The following NDRG1 variants were observed in gnomAD, a reference collection of about 807,000 sequenced individuals.
The protein encoded by NDRG1 is protein NDRG1.
Under a neutral mutation model 56.9 loss-of-function variants are expected in NDRG1, and 32 were observed. The observed-to-expected ratio is 0.56, with a 90% CI of 0.42 to 0.76. NDRG1 has a LOEUF of 0.76. Among genes scored for constraint, NDRG1 ranks in the 30% least tolerant of loss-of-function variants. The pLI, the probability that NDRG1 is intolerant of heterozygous loss-of-function variation, is 0.00. For missense variants in NDRG1, 507 were observed against 545.7 expected (o/e 0.93, Z 0.71); for synonymous variants, 211 against 204.1 (o/e 1.03, Z -0.29).
intron 7 of NDRG1, 41 bp from the exon 8 acceptor site, chr8:133,256,904 T>C: frequency 6.3e-7 from 1 of 1,577,694 alleles, no homozygotes; most frequent in Non-Finnish European, 8.7e-7. Context: ...ATCCCAGCAA[T>C]CTGAAACACT....
chr8:133,239,316 G>T, intron 15 of NDRG1, 197 bp from the exon 16 acceptor site: 1 of 844,480 alleles, frequency 1.2e-6, no homozygotes, highest in Non-Finnish European at 1.8e-6. Flanking sequence ...GATGCGGGAA[G>T]GAACTGCCGC....
chr8:133,272,203 G>A (rs1485213730), intron 3 of NDRG1, among the ~76,000 whole-genome samples: 2 of 152,216 alleles, frequency 1.3e-5, no homozygotes, highest in Non-Finnish European at 2.9e-5. Flanking sequence ...GGCAGAAGGT[G>A]TCAGCCTGGG....
At chr8:133,265,836 C>T (rs1010646008) in intron 3 of NDRG1, among the ~76,000 whole-genome samples, 1 of 152,254 alleles carries the variant, frequency 6.6e-6, no homozygotes, top group African/African-American at 2.4e-5. Flanking sequence ...ACTCACCCTT[C>T]ACCCCATGCC....
chr8:133,278,552 G>A (rs1231100374), intron 3 of NDRG1, among the ~76,000 whole-genome samples: 1 of 152,174 alleles, frequency 6.6e-6, no homozygotes, highest in Non-Finnish European at 1.5e-5. Context: ...CATGAGTGGT[G>A]CGGGAAGAAC....
intron 3 of NDRG1, among the ~76,000 whole-genome samples, chr8:133,270,897 C>A (rs960097433): frequency 3.9e-5 from 6 of 152,238 alleles, no homozygotes; most frequent in Non-Finnish European, 5.9e-5. Flanking sequence ...AGGTCAATGA[C>A]AAGGCCTCCT....
chr8:133,274,903 G>T (rs916649244), intron 3 of NDRG1, among the ~76,000 whole-genome samples: 1 of 152,192 alleles, frequency 6.6e-6, no homozygotes, highest in African/African-American at 2.4e-5. Flanking sequence ...GGTCCCCAAA[G>T]ATTCAGCAAG....
rs1468392487 is a variant in NDRG1 at position 133,297,126 on chromosome 8, G to A, written c.-19+8C>T. On this transcript the variant is annotated splice_region_variant and intron_variant, in intron 1 of 15. Coordinates refer to ENST00000323851, the MANE Select transcript of NDRG1 (RefSeq NM_006096.4). ...CGTCGCGCCTGGGAGAAGAGGGCGCGGGCTTACCTAACGCGAGGGAGAAAG... is the reference window on the plus strand; with the variant it reads ...CGTCGCGCCTGGGAGAAGAGGGCGCAGGCTTACCTAACGCGAGGGAGAAAG... 6.6e-6 allele frequency: 1 copy of A among 152,448 alleles called. No individual in the cohort carries two copies. Among genetic ancestry groups the A allele is most frequent in the African/African-American group, 2.4e-5 (1 of 41,456 alleles). The allele number at this position is 152,448 out of a possible 1,614,324, so 9.4% of individuals were successfully genotyped here.
chr8:133,254,433 G>C (rs888738122), intron 9 of NDRG1, 106 bp downstream of exon 9: 1 of 1,180,844 alleles, frequency 8.5e-7, no homozygotes, highest in Non-Finnish European at 1.2e-6. Context: ...GTGGCCCCCA[G>C]TTGATTGTGT....
chr8:133,247,622 G>A lies in NDRG1; in HGVS notation c.807+253C>T, dbSNP rs35007862. The stretch of plus-strand genomic sequence containing the variant: ...GTGGCAAACATGCCCATATAAACAA[G>A]CCGATGGGACACAGACTGGCGGGTG... On this transcript the variant is annotated intron_variant, in intron 12 of 15. Coordinates refer to ENST00000323851, the MANE Select transcript of NDRG1 (RefSeq NM_006096.4). 0.099 allele frequency among the ~76,000 whole-genome samples: 15,027 copies of A among 152,314 alleles called. 1,035 individuals are homozygous for A. The highest frequency in any genetic ancestry group is 0.15 in the Non-Finnish European group (9,999 of 68,014).
chr8:133,290,453 C>A (rs1046854667), intron 1 of NDRG1, among the ~76,000 whole-genome samples: 1 of 152,190 alleles, frequency 6.6e-6, no homozygotes, highest in Non-Finnish European at 1.5e-5. Context: ...GACGGGGAAA[C>A]TGAGGCATCA....
intron 1 of NDRG1, chr8:133,284,748 G>A (rs1439046877): frequency 6.5e-6 from 3 of 459,792 alleles, no homozygotes; most frequent in Non-Finnish European, 1.3e-5. Flanking sequence ...AAGCTCACAC[G>A]ATGCTTACCA....
intron 12 of NDRG1, among the ~76,000 whole-genome samples, chr8:133,246,987 T>A (rs1855721992): frequency 6.6e-6 from 1 of 152,216 alleles, no homozygotes; most frequent in Non-Finnish European, 1.5e-5. Flanking sequence ...ACCTGCTAAA[T>A]AAATATCCTT....
intron 9 of NDRG1, among the ~76,000 whole-genome samples, 178 bp downstream of exon 9, chr8:133,254,361 A>C (rs956270337): frequency 1.3e-5 from 2 of 152,232 alleles, no homozygotes; most frequent in African/African-American, 4.8e-5. Flanking sequence ...AAAAAGAGAG[A>C]GAATGAATGA....
At chr8:133,280,637 T>C (rs1162609032) in intron 2 of NDRG1, among the ~76,000 whole-genome samples, 1 of 152,118 alleles carries the variant, frequency 6.6e-6, no homozygotes, top group Non-Finnish European at 1.5e-5. Flanking sequence ...GATTTCACCA[T>C]GTTAGCCAGG....
At chr8:133,258,933 G>A (rs1457476474) in intron 6 of NDRG1, 2 of 593,634 alleles carry the variant, frequency 3.4e-6, no homozygotes, top group East Asian at 2.9e-5. Context: ...TGGGGCAGCT[G>A]CCATCATGCA....
intron 1 of NDRG1, among the ~76,000 whole-genome samples, chr8:133,289,879 A>C (rs1224939643): frequency 6.6e-6 from 1 of 152,176 alleles, no homozygotes; most frequent in Non-Finnish European, 1.5e-5. Context: ...GACTCTGAGC[A>C]AGTCACTTCC....
chr8:133,244,412 T>C (rs370913835), intron 13 of NDRG1, 22 bp from the exon 14 acceptor site: 9 of 1,614,076 alleles, frequency 5.6e-6, no homozygotes, highest in Non-Finnish European at 5.9e-6. Flanking sequence ...GGAAGCTCGT[T>C]AGTGCCAAAC....
intron 1 of NDRG1, among the ~76,000 whole-genome samples, chr8:133,285,652 C>T (rs751999223): frequency 6.6e-5 from 10 of 152,200 alleles, no homozygotes; most frequent in African/African-American, 9.6e-5. Context: ...CATGGCATTC[C>T]GTGGGCAGAT....
At chr8:133,248,860 C>A in intron 10 of NDRG1, 89 bp from the exon 11 acceptor site, 1 of 1,469,022 alleles carries the variant, frequency 6.8e-7, no homozygotes, top group Non-Finnish European at 9.5e-7. Context: ...GAGGTCCTGC[C>A]AGTGGCCATT....
Sources: gnomAD v4.1 joint callset for allele counts (sites outside exome capture counted in the v4.1 genomes callset) on GRCh38, gnomAD v4.1.1 for gene constraint, MANE v1.5 for transcripts, NCBI Gene and HGNC (gene_info 2026-07-23, HGNC 2026-07-21) for gene names.